The following CERT1 variants were observed in gnomAD, a reference collection of about 807,000 sequenced individuals.
The protein encoded by CERT1 is ceramide transfer protein.
CERT1 carries 31 observed loss-of-function variants against 87.9 expected under a neutral mutation model. The ratio of observed to expected loss-of-function variants is 0.35; its 90% CI spans 0.27 to 0.48. CERT1 has a LOEUF of 0.48. Among genes scored for constraint, CERT1 ranks in the 20% least tolerant of loss-of-function variants. The pLI is 0.99. For synonymous variants in CERT1, 289 were observed against 250.9 expected (o/e 1.15, Z -1.44); for missense variants, 487 against 758.0 (o/e 0.64, Z 4.20).
chr5:75,436,205 T>C (rs1229516252), intron 3 of CERT1, among the ~76,000 whole-genome samples: 1 of 152,100 alleles, frequency 6.6e-6, no homozygotes, highest in Non-Finnish European at 1.5e-5. Context: ...GCTAATTTTT[T>C]TGTATTTTTA....
intron 2 of CERT1, among the ~76,000 whole-genome samples, chr5:75,487,071 G>A (rs945279307): frequency 6.6e-6 from 1 of 152,098 alleles, no homozygotes; most frequent in African/African-American, 2.4e-5. Context: ...CCCACTACCT[G>A]ACTTCAAATT....
intron 8 of CERT1, among the ~76,000 whole-genome samples, chr5:75,407,032 T>C (rs1038376431): frequency 2.0e-5 from 3 of 152,120 alleles, no homozygotes; most frequent in African/African-American, 7.2e-5. Context: ...CAAGAAAAGA[T>C]AGATGGTTCA....
At chr5:75,502,851 T>C (rs531883686) in intron 2 of CERT1, among the ~76,000 whole-genome samples, 6 of 152,128 alleles carry the variant, frequency 3.9e-5, no homozygotes, top group African/African-American at 1.2e-4. Context: ...ATTCAGAATA[T>C]CTACTATGCG....
chr5:75,388,595 CATGCATATATATATATATATAT>C (rs1489016826), intron 12 of CERT1, among the ~76,000 whole-genome samples: 2 of 83,032 alleles, frequency 2.4e-5, no homozygotes, highest in African/African-American at 4.1e-5. Context: ...GTATAGCATG[CATGCATATATATATATATATAT>C]ATATATATAT....
Position 75,411,110 on chromosome 5 carries a change from A to G in CERT1, c.838-7T>C, listed in dbSNP as rs1217679080. 1 of 1,465,502 alleles carries G rather than the reference A, an allele frequency of 6.8e-7. No homozygotes were observed. The highest frequency in any genetic ancestry group is 9.4e-7 in the Non-Finnish European group (1 of 1,067,184). 90.8% of individuals were successfully genotyped at this position (1,465,502 alleles called of 1,614,324 possible). ...TTCTTTTCTTCTCAGTTTCCTATTA[A>G]AAAGAAGTGAAAAATCTGTAATTTG... On this transcript the variant is annotated splice_region_variant and splice_polypyrimidine_tract_variant and intron_variant, in intron 7 of 16. Coordinates refer to ENST00000643780, the MANE Select transcript of CERT1 (RefSeq NM_001379029.1).
At position 75,372,392 on chromosome 5, in the gene CERT1, T is replaced by C. The variant is rs1385234843; in HGVS notation, c.*10-3734A>G. On this transcript the variant is annotated intron_variant, in intron 17 of 17. Transcript: ENST00000261415. ...ATAAAATACACATTTGAGGTATAAA[T>C]TTTTCTTTTTTAAACATCACAATAT... is the stretch of plus-strand genomic sequence containing the variant. The C allele has an allele frequency of 5.3e-5, 7 of 131,134 alleles. No individual in the cohort carries two copies. In the East Asian group the frequency reaches 1.7e-3, roughly 31 times the overall value. 8.1% of individuals were successfully genotyped at this position (131,134 alleles called of 1,614,324 possible). A position where few individuals can be genotyped will look rare whatever the true frequency, so the allele number is the denominator to read the frequency against.
chr5:75,446,473 T>C (rs976655361), intron 3 of CERT1, among the ~76,000 whole-genome samples: 4 of 152,238 alleles, frequency 2.6e-5, no homozygotes, highest in Admixed American at 2.0e-4. Flanking sequence ...GTCTTTTGTC[T>C]AGTAGATCAG....
At position 75,381,081 on chromosome 5, in the gene CERT1, C is replaced by A; in HGVS notation, c.1738G>T (p.Val580Leu). 1 of 1,614,088 alleles carries A rather than the reference C, an allele frequency of 6.2e-7. No individual in the cohort carries two copies. Among genetic ancestry groups the A allele is most frequent in the East Asian group, 2.2e-5 (1 of 44,866 alleles). Residue 580 changes from valine (V) to leucine (L), a missense_variant, in exon 16 of 17, where the codon GTA becomes TTA. Physicochemically the swap from Val to Leu is conservative, Grantham distance 32 (BLOSUM62 1). Around this residue, in one of 8 missense-constraint regions of CERT1, gnomAD observed 33 missense variants for 64.4 expected, o/e 0.51. Transcript: ENST00000643780. ...RDNILCKITY[V>L]ANVNPGGWAP... ...ACAATAAAATACATACCATTAGCTA[C>A]ATATGTAATCTTGCATAGAATGTTG...
At chr5:75,481,147 G>A (rs560028828) in intron 2 of CERT1, among the ~76,000 whole-genome samples, 11 of 152,224 alleles carry the variant, frequency 7.2e-5, no homozygotes, top group East Asian at 1.9e-4. Context: ...TGCTTTCCCC[G>A]TGTCTACTCT....
At chr5:75,457,703 T>C (rs765440930) in intron 3 of CERT1, among the ~76,000 whole-genome samples, 28 of 152,136 alleles carry the variant, frequency 1.8e-4, no homozygotes, top group Non-Finnish European at 3.8e-4. Flanking sequence ...ATACGATTGA[T>C]AAAGAAGTAT....
At chr5:75,436,091 G>A (rs572281065) in intron 3 of CERT1, among the ~76,000 whole-genome samples, 2 of 152,236 alleles carry the variant, frequency 1.3e-5, no homozygotes, top group Admixed American at 6.5e-5. Flanking sequence ...GGAGTGCAGC[G>A]GTGCGATCTT....
intron 2 of CERT1, among the ~76,000 whole-genome samples, chr5:75,474,155 T>C (rs1250662268): frequency 1.3e-5 from 2 of 152,170 alleles, no homozygotes; most frequent in African/African-American, 4.8e-5. Context: ...GCTGTGAAAC[T>C]CCCTGCCCTG....
downstream of CERT1, chr5:75,376,088 T>C (rs1433996121): frequency 6.6e-6 from 1 of 152,108 alleles, no homozygotes; most frequent in East Asian, 1.9e-4. Flanking sequence ...GGTCCACAAA[T>C]GAAAAATCTG....
intron 5 of CERT1, among the ~76,000 whole-genome samples, chr5:75,423,528 C>T (rs1422989763): frequency 6.6e-6 from 1 of 152,094 alleles, no homozygotes; most frequent in Non-Finnish European, 1.5e-5. Context: ...TCCCTTGAGG[C>T]CAGGAGTTTA....
At chr5:75,429,199 T>TAA (rs34945398) in intron 3 of CERT1, among the ~76,000 whole-genome samples, 15,886 of 144,142 alleles carry the variant, frequency 0.11, 930 homozygotes, top group East Asian at 0.14. Flanking sequence ...ATAATAATAA[T>TAA]TATTATTATT....
chr5:75,475,268 T>C (rs532440740), intron 2 of CERT1, among the ~76,000 whole-genome samples: 2 of 152,300 alleles, frequency 1.3e-5, no homozygotes, highest in South Asian at 2.1e-4. Context: ...AATGTGCTCC[T>C]TGTAAGAATC....
chr5:75,437,534 G>C (rs1764145981), intron 3 of CERT1, among the ~76,000 whole-genome samples: 1 of 152,168 alleles, frequency 6.6e-6, no homozygotes, highest in South Asian at 2.1e-4. Context: ...GGGAGGCCAA[G>C]GCAGGTGGAT....
chr5:75,456,783 C>T (rs1765004431), intron 3 of CERT1, among the ~76,000 whole-genome samples: 1 of 151,906 alleles, frequency 6.6e-6, no homozygotes, highest in African/African-American at 2.4e-5. Flanking sequence ...AGCTTAAGTC[C>T]CACTGCTCTG....
chr5:75,507,038 T>C (rs1767681444), intron 1 of CERT1, among the ~76,000 whole-genome samples: 2 of 152,248 alleles, frequency 1.3e-5, no homozygotes, highest in Non-Finnish European at 2.9e-5. Context: ...ATATACTGCA[T>C]TGGCTCAGGC....
Sources: gnomAD v4.1 joint callset for allele counts (sites outside exome capture counted in the v4.1 genomes callset) on GRCh38, gnomAD v4.1.1 for gene constraint, gnomAD v4.1.1 regional missense constraint, MANE v1.5 for transcripts, NCBI Gene and HGNC (gene_info 2026-07-23, HGNC 2026-07-21) for gene names.